Variants in IFNGR2 observed in about 807,000 individuals in gnomAD.
IFNGR2 encodes IFN-gamma receptor 2.
IFNGR2 carries 15 observed loss-of-function variants against 41.1 expected under a neutral mutation model. The observed-to-expected ratio is 0.37, with a 90% CI of 0.24 to 0.56. The LOEUF is 0.56. Ranked by LOEUF, IFNGR2 falls within the 20% of genes least tolerant of loss-of-function variation. The pLI, the probability that IFNGR2 is intolerant of heterozygous loss-of-function variation, is 0.81. For missense variants in IFNGR2, 362 were observed against 415.7 expected, an observed-to-expected ratio of 0.87 and a Z score of 1.12; for synonymous variants, 161 against 171.6, an observed-to-expected ratio of 0.94 and a Z score of 0.48.
At chr21:33,410,321 C>G (rs2083706893) in intron 1 of IFNGR2, among the ~76,000 whole-genome samples, 1 of 151,562 alleles carries the variant, frequency 6.6e-6, no homozygotes, top group African/African-American at 2.4e-5. Flanking sequence ...CACCCACCAC[C>G]ATGCCTGGCT....
In IFNGR2 at chr21:33,436,926, G is replaced by A. The variant is rs17885407; in HGVS notation, c.978G>A (p.Pro326=). 4,212 of 1,613,946 alleles carry A rather than the reference G, an allele frequency of 2.6e-3. 12 individuals carry two copies. Among genetic ancestry groups the A allele is most frequent in the Non-Finnish European group, 3.4e-3 (3,960 of 1,179,970 alleles). The change falls in exon 7 of 7, where the codon CCG becomes CCA. Residue 326 remains proline (P), a synonymous_variant. Coordinates refer to ENST00000290219, the MANE Select transcript of IFNGR2 (RefSeq NM_005534.4). ...ACTCTGTGTCCATTATCTCGTTTCC[G>A]GAAAAGGAGCAAGAAGATGTTCTCC... is the stretch of plus-strand genomic sequence containing the variant. The part of the protein sequence containing the change: ...VWDSVSIISF[P]EKEQEDVLQT...
chr21:33,436,794 A>G (rs756111712), intron 6 of IFNGR2, 34 bp from the exon 7 acceptor site: 10 of 1,601,136 alleles, frequency 6.2e-6, no homozygotes, highest in Non-Finnish European at 8.6e-6. Context: ...GAACTGGTAA[A>G]CTAATTACAA....
In IFNGR2 at chr21:33,403,455, A is replaced by G. The variant is rs1292091669; in HGVS notation, c.-89A>G. On this transcript the variant is annotated 5_prime_UTR_variant, in exon 1 of 7. An upstream start codon of the reference 5' UTR is lost. Transcript: ENST00000290219. ...GGGCCCTGCGCGCCCTGCGCTCGCC[A>G]TGGCGGTTTGGGCGGCGACGTGAGC... is the stretch of plus-strand genomic sequence containing the variant. 1.1e-4 allele frequency: 89 copies of G among 817,384 alleles called. No individual in the cohort carries two copies. The highest frequency in any genetic ancestry group is 1.3e-4 in the Non-Finnish European group (84 of 653,522). 50.6% of individuals were successfully genotyped at this position (817,384 alleles called of 1,614,324 possible). A position where few individuals can be genotyped will look rare whatever the true frequency, so the allele number is the denominator to read the frequency against.
At chr21:33,434,833 A>ATC (rs557935330) in intron 6 of IFNGR2, among the ~76,000 whole-genome samples, 7 of 152,048 alleles carry the variant, frequency 4.6e-5, no homozygotes, top group South Asian at 4.2e-4. Flanking sequence ...TGCAGTAATA[A>ATC]TCTCTCTCTC....
chr21:33,430,402 A>C (rs1287576600), intron 4 of IFNGR2, among the ~76,000 whole-genome samples: 4 of 152,194 alleles, frequency 2.6e-5, no homozygotes, highest in Admixed American at 1.3e-4. Flanking sequence ...ATCAAGTAAT[A>C]CTATTATTCA....
At chr21:33,425,491 C>A (rs2083828665) in intron 3 of IFNGR2, among the ~76,000 whole-genome samples, 1 of 152,182 alleles carries the variant, frequency 6.6e-6, no homozygotes, top group East Asian at 1.9e-4. Flanking sequence ...CTCCCATGTG[C>A]TAATGGAGAT....
chr21:33,421,758 A>G, intron 3 of IFNGR2, 73 bp downstream of exon 3: 1 of 1,134,700 alleles, frequency 8.8e-7, no homozygotes, highest in East Asian at 2.3e-5. Flanking sequence ...GACTCCACAC[A>G]CCTCTGTCCT....
intron 1 of IFNGR2, among the ~76,000 whole-genome samples, chr21:33,414,386 C>G (rs939076327): frequency 1.3e-5 from 2 of 152,190 alleles, no homozygotes; most frequent in African/African-American, 4.8e-5. Context: ...CACGTGTGCA[C>G]GTATTTGCGG....
chr21:33,414,455 C>T (rs1291277171), intron 1 of IFNGR2, among the ~76,000 whole-genome samples: 1 of 152,234 alleles, frequency 6.6e-6, no homozygotes, highest in Non-Finnish European at 1.5e-5. Flanking sequence ...CACATGATCA[C>T]CACGTTAATC....
Position 33,403,562 on chromosome 21 carries a change from T to G in IFNGR2, c.19T>G (p.Trp7Gly). Residue 7 changes from tryptophan (W) to glycine (G), a missense_variant, in exon 1 of 7, where the codon TGG becomes GGG. By Grantham distance (184) the Trp-to-Gly change is radical. Transcript: ENST00000290219. MRPTLL[W>G]SLLLLLGVFA... ...CGGGGCCATGCGACCGACGCTGCTG[T>G]GGTCGCTGCTGCTGCTGCTCGGAGT... The G allele has an allele frequency of 1.5e-6, 2 of 1,360,550 alleles. No individual in the cohort carries two copies. Among genetic ancestry groups the G allele is most frequent in the Non-Finnish European group, 1.9e-6 (2 of 1,050,840 alleles). The allele number at this position is 1,360,550 out of a possible 1,614,324, so 84.3% of individuals were successfully genotyped here.
chr21:33,414,343 G>GATGTTTGT (rs2123338264), intron 1 of IFNGR2, among the ~76,000 whole-genome samples: 2 of 97,810 alleles, frequency 2.0e-5, no homozygotes, highest in South Asian at 6.5e-4. Flanking sequence ...CCTGATTTAG[G>GATGTTTGT]ATGTTTGTGT....
chr21:33,403,835 G>A (rs2083658664), intron 1 of IFNGR2, among the ~76,000 whole-genome samples: 1 of 152,148 alleles, frequency 6.6e-6, no homozygotes, highest in Admixed American at 6.5e-5. Context: ...CCCAGGGCTA[G>A]AGGGGCCCGC....
At chr21:33,433,740 AAG>A (rs1408402345) in intron 6 of IFNGR2, among the ~76,000 whole-genome samples, 3 of 152,128 alleles carry the variant, frequency 2.0e-5, no homozygotes, top group African/African-American at 4.8e-5. Flanking sequence ...TACACCTAAA[AAG>A]AGTTATGATG....
At chr21:33,434,181 G>A (rs906179695) in intron 6 of IFNGR2, among the ~76,000 whole-genome samples, 2 of 152,168 alleles carry the variant, frequency 1.3e-5, no homozygotes, top group Admixed American at 1.3e-4. Context: ...TGAGGACACG[G>A]TCAGGACATT....
intron 2 of IFNGR2, 56 bp downstream of exon 2, chr21:33,415,076 A>AC: frequency 1.2e-6 from 2 of 1,603,616 alleles, no homozygotes; most frequent in Non-Finnish European, 1.7e-6. Flanking sequence ...ATCGTGCGGA[A>AC]CCCTGGGGCC....
Position 33,433,166 on chromosome 21 carries a change from G to A in IFNGR2, c.879+295G>A, listed in dbSNP as rs577299511. 4.7e-4 allele frequency among the ~76,000 whole-genome samples: 71 copies of A among 152,226 alleles called. No individual in the cohort carries two copies. In the South Asian group the frequency reaches 0.012, roughly 25 times the overall value. ...CTCCCAAAGTGCTGGGATTACAGGC[G>A]GGAGCCACTGCGCCCGGCCACGCAG... On this transcript the variant is annotated intron_variant, in intron 6 of 6. Coordinates refer to ENST00000290219, the MANE Select transcript of IFNGR2 (RefSeq NM_005534.4).
intron 1 of IFNGR2, among the ~76,000 whole-genome samples, chr21:33,414,405 C>T (rs2083739138): frequency 6.6e-6 from 1 of 152,318 alleles, no homozygotes; most frequent in East Asian, 1.9e-4. Context: ...GGACATTTAC[C>T]AGACACTTCC....
intron 1 of IFNGR2, among the ~76,000 whole-genome samples, chr21:33,413,486 G>A (rs139737068): frequency 1.1e-4 from 17 of 152,326 alleles, no homozygotes; most frequent in African/African-American, 3.1e-4. Flanking sequence ...CGCATTTACC[G>A]AAAATGTGTG....
chr21:33,410,849 G>A, intron 1 of IFNGR2: 2 of 1,546,150 alleles, frequency 1.3e-6, no homozygotes, highest in South Asian at 1.2e-5. Flanking sequence ...AGCTAACTTT[G>A]GAGACCTACC....
Sources: allele counts gnomAD v4.1 joint callset (sites outside exome capture counted in the v4.1 genomes callset), GRCh38; gene constraint gnomAD v4.1.1; transcripts MANE v1.5; gene names NCBI Gene and HGNC (gene_info 2026-07-23, HGNC 2026-07-21).